Variants in CDCA5 observed in about 807,000 individuals in gnomAD.
CDCA5 encodes the protein cell division cycle associated 5, also known as sororin.
CDCA5 carries 14 observed loss-of-function variants against 25.7 expected under a neutral mutation model. The observed-to-expected ratio is 0.54, with a 90% CI of 0.36 to 0.85. The LOEUF (loss-of-function observed/expected upper bound fraction) is 0.85, where lower values mean the gene tolerates loss of function less well. CDCA5 is among the 40% of genes least tolerant of loss of function. CDCA5 has a pLI of 0.01. For synonymous variants in CDCA5, 127 were observed against 128.7 expected (o/e 0.99, Z 0.09); for missense variants, 307 against 324.5 (o/e 0.95, Z 0.41).
Position 65,078,417 on chromosome 11 carries a change from A to G in CDCA5, c.*690T>C, listed in dbSNP as rs79498696. The G allele has an allele frequency of 2.4e-3, 2,408 of 985,618 alleles. 38 individuals are homozygous for G. In the African/African-American group the frequency reaches 0.038, roughly 15 times the overall value. 61.1% of individuals were successfully genotyped at this position (985,618 alleles called of 1,614,324 possible). Reference sequence around the variant, plus strand: ...GCCCTATCAACCTGGCATTTACCAAACATCTCAACAGCAGACCAGAACTAG... The same window carrying G: ...GCCCTATCAACCTGGCATTTACCAAGCATCTCAACAGCAGACCAGAACTAG... On this transcript the variant is annotated 3_prime_UTR_variant, in exon 6 of 6. Coordinates refer to ENST00000275517, the MANE Select transcript of CDCA5 (RefSeq NM_080668.4).
downstream of CDCA5, among the ~76,000 whole-genome samples, chr11:65,072,935 A>ATT (rs1242662667): frequency 2.0e-3 from 249 of 127,088 alleles, no homozygotes; most frequent in African/African-American, 7.0e-3. Flanking sequence ...GTATTATTTC[A>ATT]TTCTTTTTTT....
downstream of CDCA5, among the ~76,000 whole-genome samples, chr11:65,062,443 G>A (rs1183727351): frequency 1.3e-5 from 2 of 151,968 alleles, no homozygotes; most frequent in Non-Finnish European, 2.9e-5. Flanking sequence ...CCTCACTCAC[G>A]GCTCCTGTAG....
chr11:65,068,015 A>T lies in CDCA5; in HGVS notation c.269+12T>A, dbSNP rs1336906519. The T allele has an allele frequency of 7.0e-6, 9 of 1,277,270 alleles. No individual in the cohort carries two copies. In the African/African-American group the frequency reaches 1.4e-4, roughly 20 times the overall value. The allele number at this position is 1,277,270 out of a possible 1,614,324, so 79.1% of individuals were successfully genotyped here. On this transcript the variant is annotated intron_variant, in intron 3 of 6. Coordinates refer to the CDCA5 transcript ENST00000525464. ...CACTCTCTCTCTCTCTCTCTCTCTC[A>T]TGCAGCCTTACGATTCAGGGTCTTT...
chr11:65,078,457 G>A lies in CDCA5; in HGVS notation c.*650C>T. On this transcript the variant is annotated 3_prime_UTR_variant, in exon 6 of 6. Coordinates refer to ENST00000275517, the MANE Select transcript of CDCA5 (RefSeq NM_080668.4). Reference sequence around the variant, plus strand: ...ACCAGAACTAGAAAACACAGCTTCTGTGTAGTACACACTTATGGTCTGAGA... The same window carrying A: ...ACCAGAACTAGAAAACACAGCTTCTATGTAGTACACACTTATGGTCTGAGA... The A allele has an allele frequency of 1.4e-5, 14 of 985,640 alleles. No homozygotes were observed. Among genetic ancestry groups the A allele is most frequent in the Non-Finnish European group, 1.6e-5 (13 of 829,998 alleles). 61.1% of individuals were successfully genotyped at this position (985,640 alleles called of 1,614,324 possible). A position where few individuals can be genotyped will look rare whatever the true frequency, so the allele number is the denominator to read the frequency against.
At position 65,077,505 on chromosome 11, in the gene CDCA5, T is replaced by C. The variant is rs1947470148; in HGVS notation, c.*1602A>G. ...CTTTTTTTCCAACTCTAAAACAAAATCCCATTTTTTCCTTAAATTTAGTTC... is the reference window on the plus strand; with the variant it reads ...CTTTTTTTCCAACTCTAAAACAAAACCCCATTTTTTCCTTAAATTTAGTTC... On this transcript the variant is annotated 3_prime_UTR_variant, in exon 6 of 6. Transcript: ENST00000275517. The C allele has an allele frequency of 4.1e-6, 4 of 985,346 alleles. No individual in the cohort carries two copies. Among genetic ancestry groups the C allele is most frequent in the Non-Finnish European group, 4.8e-6 (4 of 829,906 alleles). The allele number at this position is 985,346 out of a possible 1,614,324, so 61.0% of individuals were successfully genotyped here. A position where few individuals can be genotyped will look rare whatever the true frequency, so the allele number is the denominator to read the frequency against.
At position 65,083,926 on chromosome 11, in the gene CDCA5, C is replaced by G. The variant is rs1380789727; in HGVS notation, c.46+7G>C. 1 of 1,609,932 alleles carries G rather than the reference C, an allele frequency of 6.2e-7. No homozygotes were observed. The highest frequency in any genetic ancestry group is 1.3e-5 in the African/African-American group (1 of 75,070). On this transcript the variant is annotated splice_region_variant and intron_variant, in intron 1 of 5. Coordinates refer to ENST00000275517, the MANE Select transcript of CDCA5 (RefSeq NM_080668.4). ...GACCTCACGTCTCCCGCGCGCCCTC[C>G]GCTCACCGGAGCGCTGAGCGGCTCC...
chr11:65,061,248 A>G, the CDCA5 span, among the ~76,000 whole-genome samples: 1 of 152,180 alleles, frequency 6.6e-6, no homozygotes, highest in African/African-American at 2.4e-5. Flanking sequence ...TCCTGCCAAC[A>G]TTCAGCACTA....
chr11:65,083,386 T>C lies in CDCA5; in HGVS notation c.221A>G (p.Gln74Arg), dbSNP rs1312443703. The change falls in exon 4 of 6, where the codon CAA (glutamine) becomes CGA (arginine). Residue 74 changes from glutamine (Q) to arginine (R), a missense_variant. Physicochemically the swap from Gln to Arg is conservative, Grantham distance 43. Transcript: ENST00000275517. ...VAHAVEVPAV[Q>R]SPRRSPRISF... is the part of the protein sequence containing the mutation. ...CACCCTAGGGCTCCTGCGAGGTGAT[T>C]GGACAGCTGGGACCTGCGGGGGACA... 1 of 1,614,196 alleles carries C rather than the reference T, an allele frequency of 6.2e-7. No individual in the cohort carries two copies. Among genetic ancestry groups the C allele is most frequent in the Admixed American group, 1.7e-5 (1 of 60,020 alleles).
intron 4 of CDCA5, 86 bp from the exon 5 acceptor site, chr11:65,079,873 A>G: frequency 9.0e-7 from 1 of 1,105,762 alleles, no homozygotes. Flanking sequence ...CAGGGTGGAA[A>G]GACCCACAGG....
chr11:65,066,463 G>C (rs548150), exon 7 of CDCA5: 5 of 1,285,120 alleles, frequency 3.9e-6, no homozygotes, highest in South Asian at 2.5e-5. Context: ...GCCTTCCGGG[G>C]GTTTGGGTCA....
At chr11:65,061,790 A>C (rs531243556), downstream of CDCA5, among the ~76,000 whole-genome samples, 21 of 148,822 alleles carry the variant, frequency 1.4e-4, no homozygotes, top group Admixed American at 5.3e-4. Context: ...AAAAAAAAAA[A>C]AAAAACAAAA....
intron 4 of CDCA5, chr11:65,066,949 C>G: frequency 8.8e-7 from 1 of 1,140,646 alleles, no homozygotes; most frequent in Non-Finnish European, 1.2e-6. Flanking sequence ...CCCACCCCTC[C>G]CACCTCCTGC....
At chr11:65,061,626 T>A (rs1304085633), downstream of CDCA5, among the ~76,000 whole-genome samples, 1 of 151,506 alleles carries the variant, frequency 6.6e-6, no homozygotes, top group East Asian at 2.0e-4. Flanking sequence ...TACAAAAAAA[T>A]TAGCCGGGCG....
downstream of CDCA5, among the ~76,000 whole-genome samples, chr11:65,074,415 G>T (rs1430207075): frequency 3.3e-5 from 5 of 152,102 alleles, no homozygotes; most frequent in African/African-American, 1.2e-4. Flanking sequence ...CCACTGTATT[G>T]ATAGGTCACA....
rs568903301 is a variant in CDCA5, at chr11:65,083,716, C to G, written c.54G>C (p.Arg18Ser). The G allele has an allele frequency of 4.1e-5, 66 of 1,612,776 alleles. 1 individual carries two copies. In the Middle Eastern group the frequency reaches 6.6e-4, roughly 16 times the overall value. ...SGGAAQRSGP[R>S]APSPTKPLRR... ...GCAGAGGCTTAGTAGGAGATGGGGC[C>G]CTTGGCCCTGGAAAGAGAAAAAAGT... The change falls in exon 2 of 6, where the codon AGG becomes AGC. Residue 18 changes from arginine to serine, a missense_variant. Transcript: ENST00000275517.
downstream of CDCA5, among the ~76,000 whole-genome samples, chr11:65,062,556 A>G (rs922910764): frequency 6.6e-6 from 1 of 152,078 alleles, no homozygotes; most frequent in Non-Finnish European, 1.5e-5. Context: ...CCAGCTGTCC[A>G]CAGGGCTCCT....
intron 1 of CDCA5, among the ~76,000 whole-genome samples, chr11:65,070,553 G>A (rs1313320633): frequency 6.6e-6 from 1 of 152,158 alleles, no homozygotes; most frequent in East Asian, 1.9e-4. Context: ...GCACCCTCAT[G>A]GCTCACTGCA....
chr11:65,083,308 TCCA>T, intron 4 of CDCA5, 53 bp downstream of exon 4: 1 of 1,602,494 alleles, frequency 6.2e-7, no homozygotes. Context: ...ATGTGTGCTG[TCCA>T]GCTCTAGAGT....
At position 65,066,953 on chromosome 11, in the gene CDCA5, C is replaced by T. The variant is rs929332574; in HGVS notation, c.369-74G>A. The T allele has an allele frequency of 2.7e-6, 3 of 1,127,316 alleles. No individual in the cohort carries two copies. The African/African-American group carries it at 4.8e-5, about 18-fold the overall frequency. The allele number at this position is 1,127,316 out of a possible 1,614,324, so 69.8% of individuals were successfully genotyped here. A position where few individuals can be genotyped will look rare whatever the true frequency, so the allele number is the denominator to read the frequency against. ...AGGCAGCACTCCCCACCCCTCCCAC[C>T]TCCTGCTTCAGCCACCTGGTCCTAT... is the stretch of plus-strand genomic sequence containing the variant. On this transcript the variant is annotated intron_variant, in intron 4 of 6. Coordinates refer to the CDCA5 transcript ENST00000525464.
Sources: gnomAD v4.1 joint callset for allele counts (sites outside exome capture counted in the v4.1 genomes callset) on GRCh38, gnomAD v4.1.1 for gene constraint, MANE v1.5 for transcripts, NCBI Gene and HGNC (gene_info 2026-07-23, HGNC 2026-07-21) for gene names.